Variants in MYO9A observed in about 807,000 individuals in gnomAD.
The protein encoded by MYO9A is myosin IXA.
Under a neutral mutation model 293.3 loss-of-function variants are expected in MYO9A, and 103 were observed. The observed-to-expected ratio is 0.35, with a 90% CI of 0.30 to 0.41. MYO9A has a LOEUF of 0.41. Among genes scored for constraint, MYO9A ranks in the 10% least tolerant of loss-of-function variants. The pLI, the probability that MYO9A is intolerant of heterozygous loss-of-function variation, is 1.00. For missense variants in MYO9A, 2,685 were observed against 3,033.0 expected, an observed-to-expected ratio of 0.89 and a Z score of 2.69; for synonymous variants, 1,001 against 1,035.7, an observed-to-expected ratio of 0.97 and a Z score of 0.64.
rs2054373396 is a variant in MYO9A at position 71,824,120 on chromosome 15, C to T, written c.*2460G>A. The T allele has an allele frequency of 6.6e-6, 1 of 152,172 alleles. No individual in the cohort carries two copies. The highest frequency in any genetic ancestry group is 6.5e-5 in the Admixed American group (1 of 15,278). The allele number at this position is 152,172 out of a possible 1,614,324, so 9.4% of individuals were successfully genotyped here. On this transcript the variant is annotated 3_prime_UTR_variant, in exon 42 of 42. Coordinates refer to ENST00000356056, the MANE Select transcript of MYO9A (RefSeq NM_006901.4). ...GCTCTCCACTCTTATCATTTTGTGG[C>T]TCTCTCCTCCTCACCCACCCACCCC...
intron 19 of MYO9A, among the ~76,000 whole-genome samples, chr15:71,908,136 G>A (rs2057722545): frequency 6.6e-6 from 1 of 152,144 alleles, no homozygotes; most frequent in East Asian, 1.9e-4. Flanking sequence ...GTGTAAGGAG[G>A]GGATCCAGTT....
chr15:71,900,038 T>C (rs751241372), intron 23 of MYO9A, 32 bp from the exon 24 acceptor site: 3 of 1,563,318 alleles, frequency 1.9e-6, no homozygotes, highest in Non-Finnish European at 1.7e-6. Context: ...AGAAACTGGT[T>C]GTCATATCTT....
At chr15:71,978,412 C>T in intron 11 of MYO9A, 120 bp from the exon 12 acceptor site, 3 of 733,556 alleles carry the variant, frequency 4.1e-6, no homozygotes, top group Non-Finnish European at 6.2e-6. Flanking sequence ...CACCAATCCA[C>T]ACAATGAAAG....
rs748572496 is a variant in MYO9A, at chr15:71,880,501, C to T, written c.5456G>A (p.Arg1819Gln). 12 of 1,614,034 alleles carry T rather than the reference C, an allele frequency of 7.4e-6. No homozygotes were observed. The highest frequency in any genetic ancestry group is 2.2e-5 in the East Asian group (1 of 44,900). Residue 1819 changes from arginine to glutamine, a missense_variant, in exon 29 of 42, where the codon CGG (arginine) becomes CAG (glutamine). This residue lies in a region of MYO9A where 1,434 missense variants were observed against 1,497.7 expected (regional missense o/e 0.96). Coordinates refer to ENST00000356056, the MANE Select transcript of MYO9A (RefSeq NM_006901.4). ...TTCTTTGTTCTCTTTGAATTCCTTC[C>T]GGCAACTGCCGGGCAGTTCTGGGCT... ...PLSPELPGSCRKEFKENKEPS... is the reference protein window; with the variant it reads ...PLSPELPGSCQKEFKENKEPS...
intron 28 of MYO9A, among the ~76,000 whole-genome samples, chr15:71,881,563 T>C (rs557495519): frequency 3.9e-5 from 6 of 152,192 alleles, no homozygotes; most frequent in Admixed American, 6.5e-5. Flanking sequence ...ACAGCTTAGA[T>C]ATATTAAGTA....
chr15:71,823,102 AAAAAG>A lies in MYO9A; in HGVS notation c.*3473_*3477del, dbSNP rs1487029633. 6.6e-6 allele frequency: 1 copy of A among 152,112 alleles called. No homozygotes were observed. Among genetic ancestry groups the A allele is most frequent in the Non-Finnish European group, 1.5e-5 (1 of 68,032 alleles). 9.4% of individuals were successfully genotyped at this position (152,112 alleles called of 1,614,324 possible). On this transcript the variant is annotated 3_prime_UTR_variant, in exon 42 of 42. Coordinates refer to ENST00000356056, the MANE Select transcript of MYO9A (RefSeq NM_006901.4). ...CGCATCCAGCTTCCCACCAAGAAGAAAAAAGAGAGGAGGATGAGGAAAGCCATGGA... is the reference window on the plus strand; with the variant it reads ...CGCATCCAGCTTCCCACCAAGAAGAAAGAGGAGGATGAGGAAAGCCATGGA...
intron 1 of MYO9A, among the ~76,000 whole-genome samples, chr15:72,103,214 CAGCAGA>C (rs1366283741): frequency 2.8e-5 from 4 of 142,854 alleles, no homozygotes; most frequent in Non-Finnish European, 6.1e-5. Flanking sequence ...AAAAAAGCAG[CAGCAGA>C]AGCAGAAGCA....
chr15:71,970,168 T>C (rs1185596135), intron 12 of MYO9A, among the ~76,000 whole-genome samples: 1 of 152,222 alleles, frequency 6.6e-6, no homozygotes, highest in Non-Finnish European at 1.5e-5. Flanking sequence ...AGAATCAAAG[T>C]GGTCCACTGC....
chr15:72,063,294 C>A (rs188426779), intron 1 of MYO9A, among the ~76,000 whole-genome samples: 1 of 152,108 alleles, frequency 6.6e-6, no homozygotes, highest in East Asian at 1.9e-4. Flanking sequence ...ACTCTCAAAC[C>A]ACTGAAAGAA....
chr15:71,906,143 G>A (rs1241151304), intron 19 of MYO9A, among the ~76,000 whole-genome samples: 1 of 152,046 alleles, frequency 6.6e-6, no homozygotes, highest in Non-Finnish European at 1.5e-5. Context: ...GGGGATTGAT[G>A]TCTTTCTTTG....
At chr15:72,099,432 AAAAAAAAAAAG>A (rs1171269755) in intron 1 of MYO9A, among the ~76,000 whole-genome samples, 4 of 145,996 alleles carry the variant, frequency 2.7e-5, no homozygotes, top group Admixed American at 2.7e-4. Context: ...CAAAAAAAAA[AAAAAAAAAAAG>A]AAAAAAAAAT....
chr15:71,943,839 A>T (rs921120907), intron 15 of MYO9A, among the ~76,000 whole-genome samples: 1 of 152,172 alleles, frequency 6.6e-6, no homozygotes, highest in Non-Finnish European at 1.5e-5. Flanking sequence ...ATTCATACGT[A>T]AAAGTCTTTT....
At chr15:71,897,126 C>T (rs1452159547) in intron 25 of MYO9A, 1 of 207,872 alleles carries the variant, frequency 4.8e-6, no homozygotes, top group East Asian at 1.1e-4. Flanking sequence ...AACAAACAAC[C>T]TTCAACTACT....
chr15:72,051,965 G>C (rs1037034885), intron 1 of MYO9A, among the ~76,000 whole-genome samples: 1 of 152,180 alleles, frequency 6.6e-6, no homozygotes, highest in Admixed American at 6.5e-5. Context: ...ACCAGAGTGG[G>C]AACTTGTGGT....
At chr15:71,833,745 T>A (rs955055811) in intron 39 of MYO9A, among the ~76,000 whole-genome samples, 1 of 152,032 alleles carries the variant, frequency 6.6e-6, no homozygotes, top group African/African-American at 2.4e-5. Context: ...AAGAGAAAAT[T>A]AAAAATTCTT....
chr15:71,843,930 G>C (rs16956307), intron 39 of MYO9A, among the ~76,000 whole-genome samples: 1 of 152,306 alleles, frequency 6.6e-6, no homozygotes, highest in Admixed American at 6.5e-5. Flanking sequence ...GAGACTTTGT[G>C]AGTCCTGGCT....
Position 72,018,325 on chromosome 15 carries a change from G to A in MYO9A, c.1155+714C>T, listed in dbSNP as rs369014884. On this transcript the variant is annotated intron_variant, in intron 6 of 41. Coordinates refer to ENST00000356056, the MANE Select transcript of MYO9A (RefSeq NM_006901.4). ...TCTACTAAAAATAGAAAAATCAACC[G>A]GGCATGGTGGCGCACGCCTGTAATC... Among the ~76,000 whole-genome samples, 29 of 152,040 alleles carry A rather than the reference G, an allele frequency of 1.9e-4. No individual in the cohort carries two copies. In the East Asian group the frequency reaches 4.8e-3, roughly 25 times the overall value.
chr15:71,926,559 T>C (rs958130504), intron 18 of MYO9A, among the ~76,000 whole-genome samples: 2 of 151,908 alleles, frequency 1.3e-5, no homozygotes, highest in African/African-American at 4.8e-5. Flanking sequence ...ACAGAAAAAT[T>C]AGCCGGGCAT....
chr15:71,976,145 C>T (rs1288135415), intron 12 of MYO9A, among the ~76,000 whole-genome samples: 1 of 152,116 alleles, frequency 6.6e-6, no homozygotes, highest in Non-Finnish European at 1.5e-5. Flanking sequence ...GGATCTGATA[C>T]TACCTCCAGG....
Sources: gnomAD v4.1 joint callset for allele counts (sites outside exome capture counted in the v4.1 genomes callset) on GRCh38, gnomAD v4.1.1 for gene constraint, gnomAD v4.1.1 regional missense constraint, MANE v1.5 for transcripts, NCBI Gene and HGNC (gene_info 2026-07-23, HGNC 2026-07-21) for gene names.